LSP1: variants seen among roughly 807,000 people sequenced by gnomAD.
LSP1 encodes the protein lymphocyte-specific protein 1.
In LSP1, 32 loss-of-function variants were observed where a neutral mutation model predicts 49.3. The ratio of observed to expected loss-of-function variants is 0.65; its 90% CI spans 0.49 to 0.87. The LOEUF is 0.87. Among genes scored for constraint, LSP1 ranks in the 40% least tolerant of loss-of-function variants. The pLI, the probability that LSP1 is intolerant of heterozygous loss-of-function variation, is 0.00. For synonymous variants in LSP1, 179 were observed against 178.8 expected, an observed-to-expected ratio of 1.00 and a Z score of -0.01; for missense variants, 428 against 442.6, an observed-to-expected ratio of 0.97 and a Z score of 0.30.
chr11:1,883,847 A>G, intron 4 of LSP1, 85 bp from the exon 5 acceptor site: 1 of 1,275,896 alleles, frequency 7.8e-7, no homozygotes, highest in South Asian at 1.4e-5. Context: ...TCAGGAAGGA[A>G]CAGCATTTGT....
chr11:1,886,823 G>T lies in LSP1; in HGVS notation c.809G>T (p.Gly270Val). The change falls in exon 8 of 11, where the codon GGT becomes GTT. Residue 270 changes from glycine to valine, a missense_variant. Gly to Val is a moderately radical substitution (Grantham distance 109). Transcript: ENST00000311604. ...AGTACCAAGAGTCGGTGGGAGACGG[G>T]TGAGGTACAGGCTCAGTCTGCGGCC... ...VASTKSRWET[G>V]EVQAQSAAKT... 6.2e-7 allele frequency: 1 copy of T among 1,611,774 alleles called. No homozygotes were observed. The highest frequency in any genetic ancestry group is 8.5e-7 in the Non-Finnish European group (1 of 1,179,808).
intron 1 of LSP1, among the ~76,000 whole-genome samples, chr11:1,874,987 G>A (rs1208032025): frequency 1.3e-5 from 2 of 152,154 alleles, no homozygotes; most frequent in Non-Finnish European, 2.9e-5. Context: ...CCCCCACAGC[G>A]GGCACAGCAC....
intron 1 of LSP1, among the ~76,000 whole-genome samples, chr11:1,855,253 C>G (rs1276909725): frequency 6.6e-6 from 1 of 152,198 alleles, no homozygotes. Context: ...CAGAAGTCCC[C>G]TGCACCCAGG....
intron 10 of LSP1, chr11:1,889,790 C>G: frequency 1.5e-6 from 1 of 646,740 alleles, no homozygotes; most frequent in Non-Finnish European, 2.8e-6. Context: ...GCACCACAAC[C>G]CTGGCACTAG....
At chr11:1,877,155 C>T (rs954375026) in intron 1 of LSP1, among the ~76,000 whole-genome samples, 5 of 152,184 alleles carry the variant, frequency 3.3e-5, no homozygotes, top group African/African-American at 7.2e-5. Context: ...GGCCGGGGGG[C>T]GCCTTTCCCA....
chr11:1,870,660 A>G, intron 1 of LSP1: 12 of 1,083,752 alleles, frequency 1.1e-5, no homozygotes, highest in Non-Finnish European at 1.1e-5. Flanking sequence ...GCTCCCGCCC[A>G]GGTGGGCACC....
chr11:1,889,868 A>C (rs896740017), intron 10 of LSP1: 33 of 631,164 alleles, frequency 5.2e-5, no homozygotes, highest in Admixed American at 1.7e-4. Flanking sequence ...CAGGCAAGGG[A>C]CTGGCAGCCT....
chr11:1,876,813 T>G (rs1023866992), intron 1 of LSP1, among the ~76,000 whole-genome samples: 1 of 152,068 alleles, frequency 6.6e-6, no homozygotes, highest in Non-Finnish European at 1.5e-5. Context: ...AGACCTGAGC[T>G]TGGGGAGCTC....
chr11:1,876,043 G>T (rs1848296777), intron 1 of LSP1, among the ~76,000 whole-genome samples: 1 of 152,238 alleles, frequency 6.6e-6, no homozygotes, highest in Non-Finnish European at 1.5e-5. Context: ...GTGGGTGTGG[G>T]TGCTGCCAGC....
intron 1 of LSP1, chr11:1,868,712 A>G: frequency 1.0e-6 from 1 of 985,756 alleles, no homozygotes; most frequent in African/African-American, 1.7e-5. Flanking sequence ...CGTCCTGCCC[A>G]GAAGCCCAGG....
At position 1,881,557 on chromosome 11, in the gene LSP1, C is replaced by A; in HGVS notation, c.317C>A (p.Pro106His). ...CAGGGCGCCTTGGACAGCGGAGAGC[C>A]CCCCCAGTGCAGGAGTCCTGAGGGG... The part of the protein sequence containing the change: ...GAQGALDSGE[P>H]PQCRSPEGEQ... The change falls in exon 3 of 11, where the codon CCC becomes CAC. Residue 106 changes from proline (P) to histidine (H), a missense_variant. Physicochemically the swap from Pro to His is moderately conservative, Grantham distance 77. Coordinates refer to ENST00000311604, the MANE Select transcript of LSP1 (RefSeq NM_002339.3). 2 of 1,538,398 alleles carry A rather than the reference C, an allele frequency of 1.3e-6. No individual in the cohort carries two copies. Among genetic ancestry groups the A allele is most frequent in the South Asian group, 1.2e-5 (1 of 82,528 alleles).
At chr11:1,876,732 TGGA>T (rs1848325995) in intron 1 of LSP1, 2 of 747,678 alleles carry the variant, frequency 2.7e-6, no homozygotes, top group South Asian at 6.0e-5. Flanking sequence ...TGGGGGTTTG[TGGA>T]GGAAGGAGAA....
intron 1 of LSP1, chr11:1,866,914 G>C: frequency 6.6e-7 from 1 of 1,505,634 alleles, no homozygotes; most frequent in Admixed American, 2.1e-5. Context: ...AGCCCCAGGT[G>C]AGCAAGCCGC....
intron 1 of LSP1, among the ~76,000 whole-genome samples, chr11:1,877,494 C>A (rs970141864): frequency 6.6e-5 from 10 of 152,188 alleles, no homozygotes; most frequent in Admixed American, 4.6e-4. Flanking sequence ...TCCAGGGGCC[C>A]AGCTCTGCAG....
Position 1,881,440 on chromosome 11 carries a change from T to C in LSP1, c.200T>C (p.Leu67Pro), listed in dbSNP as rs867314806. The change falls in exon 3 of 11, where the codon CTG becomes CCG. Residue 67 changes from leucine (L) to proline (P), a missense_variant. Physicochemically the swap from Leu to Pro is moderately conservative, Grantham distance 98. Transcript: ENST00000311604. ...CCCCCTGCTACCCTCAGCCTCAGCCTGAAGCCCTCGGAGGCCCCTGAACTG... is the reference window on the plus strand; with the variant it reads ...CCCCCTGCTACCCTCAGCCTCAGCCCGAAGCCCTCGGAGGCCCCTGAACTG... ...ERPKQEMLLS[L>P]KPSEAPELDE... 9 of 1,571,710 alleles carry C rather than the reference T, an allele frequency of 5.7e-6. No homozygotes were observed. The highest frequency in any genetic ancestry group is 2.3e-5 in the East Asian group (1 of 42,920).
chr11:1,872,163 G>C (rs568858725), intron 1 of LSP1, among the ~76,000 whole-genome samples: 84 of 143,386 alleles, frequency 5.9e-4, no homozygotes, highest in African/African-American at 2.2e-3. Context: ...GGTGCATGCT[G>C]GTAGAGTTGG....
chr11:1,887,749 C>G (rs1298380213), intron 10 of LSP1, among the ~76,000 whole-genome samples, 173 bp downstream of exon 10: 2 of 152,200 alleles, frequency 1.3e-5, no homozygotes, highest in Non-Finnish European at 2.9e-5. Context: ...TGCTGCCTCT[C>G]TCACCTGATA....
chr11:1,890,389 G>A (rs1371214619), intron 10 of LSP1: 1 of 716,952 alleles, frequency 1.4e-6, no homozygotes, highest in Non-Finnish European at 2.6e-6. Context: ...ACGGGGGACA[G>A]GGAGGTGCGG....
At position 1,864,988 on chromosome 11, in the gene LSP1, C is replaced by T. The variant is rs530329916; in HGVS notation, c.53+11791C>T. Among the ~76,000 whole-genome samples the T allele has an allele frequency of 6.2e-4, 94 of 151,890 alleles. 1 individual carries two copies. Among genetic ancestry groups the T allele is most frequent in the African/African-American group, 1.9e-3 (79 of 41,404 alleles). On this transcript the variant is annotated intron_variant, in intron 1 of 10. Coordinates refer to ENST00000311604, the MANE Select transcript of LSP1 (RefSeq NM_002339.3). ...GGGACAGGGGAGGGGTGACAGCCAG[C>T]GAGAGACCGAGGGCCAGGGCAGAGC...
Sources: allele counts gnomAD v4.1 joint callset (sites outside exome capture counted in the v4.1 genomes callset), GRCh38; gene constraint gnomAD v4.1.1; transcripts MANE v1.5; gene names NCBI Gene and HGNC (gene_info 2026-07-23, HGNC 2026-07-21).